AGBL1: variants seen among roughly 807,000 people sequenced by gnomAD.
AGBL1 encodes AGBL carboxypeptidase 1.
AGBL1 carries 130 observed loss-of-function variants against 118.9 expected under a neutral mutation model. The ratio of observed to expected loss-of-function variants is 1.09; its 90% CI spans 0.95 to 1.26. AGBL1 has a LOEUF of 1.26. Ranked by LOEUF, AGBL1 falls within the 50% of genes most tolerant of loss-of-function variation. The pLI is 0.00. For missense variants in AGBL1, 1,584 were observed against 1,298.1 expected (o/e 1.22, Z -3.38); for synonymous variants, 555 against 478.9 (o/e 1.16, Z -2.08).
chr15:86,367,468 G>A (rs2080906255), intron 17 of AGBL1, among the ~76,000 whole-genome samples: 1 of 152,126 alleles, frequency 6.6e-6, no homozygotes, highest in Non-Finnish European at 1.5e-5. Context: ...TCAGTCTGCT[G>A]GGGGCAGGGT....
intron 22 of AGBL1, among the ~76,000 whole-genome samples, chr15:86,905,731 T>C (rs905388834): frequency 2.6e-5 from 4 of 152,176 alleles, no homozygotes; most frequent in Admixed American, 6.5e-5. Flanking sequence ...TGACATTGCA[T>C]GACACTGACA....
At chr15:86,942,945 G>A (rs926361767) in intron 23 of AGBL1, among the ~76,000 whole-genome samples, 2 of 152,132 alleles carry the variant, frequency 1.3e-5, no homozygotes, top group African/African-American at 4.8e-5. Context: ...CATTGTACCT[G>A]TTCTCACTTT....
At chr15:86,754,144 T>G (rs1326323881) in intron 22 of AGBL1, among the ~76,000 whole-genome samples, 2 of 152,140 alleles carry the variant, frequency 1.3e-5, no homozygotes, top group Non-Finnish European at 2.9e-5. Context: ...ATTTTATGTT[T>G]GTGCAGATTT....
At chr15:86,932,029 G>A (rs2141637111) in intron 23 of AGBL1, among the ~76,000 whole-genome samples, 1 of 152,260 alleles carries the variant, frequency 6.6e-6, no homozygotes, top group Non-Finnish European at 1.5e-5. Flanking sequence ...GAGTTATAAA[G>A]CTGGAAGGGA....
At chr15:86,176,415 T>C (rs900141337) in intron 5 of AGBL1, among the ~76,000 whole-genome samples, 2 of 152,164 alleles carry the variant, frequency 1.3e-5, no homozygotes, top group African/African-American at 4.8e-5. Flanking sequence ...GGATGCAAGG[T>C]TGCTGTCAGT....
intron 6 of AGBL1, among the ~76,000 whole-genome samples, chr15:86,242,737 A>C (rs550218063): frequency 3.3e-5 from 5 of 152,348 alleles, no homozygotes; most frequent in African/African-American, 1.2e-4. Context: ...AGGATAAGGC[A>C]GTCCCCAAAT....
chr15:86,566,192 T>G (rs2083911013), intron 21 of AGBL1, among the ~76,000 whole-genome samples: 1 of 152,156 alleles, frequency 6.6e-6, no homozygotes, highest in African/African-American at 2.4e-5. Flanking sequence ...CAGTTGGAAA[T>G]GCATACATCA....
chr15:86,239,584 T>A (rs1182439943), intron 6 of AGBL1, among the ~76,000 whole-genome samples: 1 of 152,134 alleles, frequency 6.6e-6, no homozygotes, highest in Non-Finnish European at 1.5e-5. Context: ...ATTGGCTGGA[T>A]GTAAAGAAGT....
chr15:86,778,134 G>A (rs1188357840), intron 22 of AGBL1, among the ~76,000 whole-genome samples: 3 of 152,080 alleles, frequency 2.0e-5, no homozygotes, highest in Non-Finnish European at 4.4e-5. Flanking sequence ...AAACCAGCAA[G>A]TTTTTATTAG....
intron 23 of AGBL1, among the ~76,000 whole-genome samples, chr15:86,934,888 A>T (rs890952605): frequency 2.6e-5 from 4 of 152,198 alleles, no homozygotes; most frequent in Admixed American, 6.5e-5. Flanking sequence ...TTTTGGGGAA[A>T]TTGTTGGTAG....
intron 22 of AGBL1, among the ~76,000 whole-genome samples, chr15:86,688,408 G>T (rs2086102336): frequency 6.6e-6 from 1 of 152,108 alleles, no homozygotes; most frequent in Non-Finnish European, 1.5e-5. Flanking sequence ...GAATTAAAAT[G>T]CAATTCTGAA....
chr15:86,980,863 T>G (rs2081225040), intron 23 of AGBL1, among the ~76,000 whole-genome samples: 2 of 150,512 alleles, frequency 1.3e-5, no homozygotes, highest in South Asian at 4.2e-4. Context: ...CTACTAAATA[T>G]AAATAGTGCT....
chr15:86,879,885 G>C (rs1333177447), intron 22 of AGBL1, among the ~76,000 whole-genome samples: 2 of 152,170 alleles, frequency 1.3e-5, no homozygotes, highest in African/African-American at 4.8e-5. Context: ...ATGGGACCAT[G>C]TCTTCTTGTC....
At chr15:86,551,492 C>T (rs2083662693) in intron 20 of AGBL1, among the ~76,000 whole-genome samples, 1 of 152,056 alleles carries the variant, frequency 6.6e-6, no homozygotes, top group Non-Finnish European at 1.5e-5. Context: ...CACAGACTAC[C>T]AAAACTGACT....
intron 19 of AGBL1, among the ~76,000 whole-genome samples, chr15:86,538,083 A>T (rs2083449801): frequency 1.3e-5 from 2 of 152,180 alleles, no homozygotes; most frequent in South Asian, 4.1e-4. Flanking sequence ...AAAGGGTCCC[A>T]CTGTGGGCAG....
rs78934446 is a variant in AGBL1 at position 86,656,350 on chromosome 15, G to A, written c.2995-17923G>A. ...AAGAAAGAGCACGCTGACAAAATTA[G>A]TGGTGCTTCAAAAGTGCTTAGATAT... On this transcript the variant is annotated intron_variant, in intron 21 of 22. Coordinates refer to ENST00000614907, the MANE Select transcript of AGBL1 (RefSeq NM_001386094.1). 5.4e-3 allele frequency among the ~76,000 whole-genome samples: 827 copies of A among 152,310 alleles called. 10 individuals are homozygous for A. Among genetic ancestry groups the A allele is most frequent in the African/African-American group, 0.019 (781 of 41,572 alleles).
intron 23 of AGBL1, among the ~76,000 whole-genome samples, chr15:86,985,506 C>G (rs1461361063): frequency 6.6e-6 from 1 of 152,218 alleles, no homozygotes; most frequent in African/African-American, 2.4e-5. Flanking sequence ...AGCAGCTTTT[C>G]ATATGCTTAT....
At chr15:86,953,466 C>T (rs997488437) in intron 23 of AGBL1, among the ~76,000 whole-genome samples, 4 of 150,686 alleles carry the variant, frequency 2.7e-5, no homozygotes, top group East Asian at 3.9e-4. Context: ...TATTGGCTCA[C>T]GGCAACCTCT....
At chr15:86,163,216 C>T (rs1178764019) in intron 5 of AGBL1, among the ~76,000 whole-genome samples, 8 of 152,188 alleles carry the variant, frequency 5.3e-5, no homozygotes, top group African/African-American at 1.4e-4. Context: ...GCGGGAGGAC[C>T]GCTTGAGGCC....
Sources: gnomAD v4.1 joint callset for allele counts (sites outside exome capture counted in the v4.1 genomes callset) on GRCh38, gnomAD v4.1.1 for gene constraint, MANE v1.5 for transcripts, NCBI Gene and HGNC (gene_info 2026-07-23, HGNC 2026-07-21) for gene names.